GHR: variants seen among roughly 807,000 people sequenced by gnomAD.
GHR encodes the protein growth hormone receptor.
Under a neutral mutation model 67.1 loss-of-function variants are expected in GHR, and 35 were observed. The ratio of observed to expected loss-of-function variants is 0.52; its 90% CI spans 0.40 to 0.69. The LOEUF (loss-of-function observed/expected upper bound fraction) is 0.69, where lower values mean the gene tolerates loss of function less well. GHR is among the 30% of genes least tolerant of loss of function. The probability of loss-of-function intolerance (pLI) is 0.00; values close to 1 mark genes in which losing one functional copy is unlikely to be tolerated. For synonymous variants in GHR, 272 were observed against 269.1 expected, an observed-to-expected ratio of 1.01 and a Z score of -0.10; for missense variants, 792 against 764.6, an observed-to-expected ratio of 1.04 and a Z score of -0.42.
intron 1 of GHR, among the ~76,000 whole-genome samples, chr5:42,497,195 T>C (rs1746357418): frequency 6.6e-6 from 1 of 152,204 alleles, no homozygotes; most frequent in Non-Finnish European, 1.5e-5. Flanking sequence ...GCCCACAGAG[T>C]GTGCTATTCA....
At chr5:42,485,451 C>T (rs1017246415) in intron 1 of GHR, among the ~76,000 whole-genome samples, 2 of 152,062 alleles carry the variant, frequency 1.3e-5, no homozygotes, top group Non-Finnish European at 2.9e-5. Context: ...TGTTTTTCCC[C>T]CTTCTTTGCT....
intron 3 of GHR, among the ~76,000 whole-genome samples, chr5:42,657,296 T>C (rs1029908288): frequency 6.6e-6 from 1 of 152,150 alleles, no homozygotes; most frequent in African/African-American, 2.4e-5. Context: ...AAATGGTAGG[T>C]CCAGGTGACT....
intron 1 of GHR, among the ~76,000 whole-genome samples, chr5:42,442,140 A>T (rs748371728): frequency 1.1e-4 from 16 of 152,198 alleles, no homozygotes; most frequent in Admixed American, 5.9e-4. Flanking sequence ...TGAGTCACCA[A>T]CTGAGACAGG....
chr5:42,478,694 T>C (rs1173510388), intron 1 of GHR, among the ~76,000 whole-genome samples: 4 of 152,214 alleles, frequency 2.6e-5, no homozygotes, highest in Non-Finnish European at 5.9e-5. Flanking sequence ...TTGTCTGTTG[T>C]TGGTGTATAA....
chr5:42,509,887 TG>T (rs1746937372), intron 1 of GHR, among the ~76,000 whole-genome samples: 2 of 152,256 alleles, frequency 1.3e-5, no homozygotes, highest in Non-Finnish European at 2.9e-5. Context: ...CAGTATCTGA[TG>T]GGCATTTGAA....
chr5:42,446,895 C>T (rs1257684161), intron 1 of GHR, among the ~76,000 whole-genome samples: 1 of 152,124 alleles, frequency 6.6e-6, no homozygotes, highest in Non-Finnish European at 1.5e-5. Context: ...GTCAAGAAAC[C>T]AGACAAGATA....
At chr5:42,671,219 G>T (rs1447971709) in intron 3 of GHR, among the ~76,000 whole-genome samples, 6 of 152,050 alleles carry the variant, frequency 3.9e-5, no homozygotes, top group Non-Finnish European at 8.8e-5. Flanking sequence ...CCAGCTTCTG[G>T]GGAAGCCTCA....
At chr5:42,549,755 G>A in intron 1 of GHR, 6 of 689,784 alleles carry the variant, frequency 8.7e-6, no homozygotes, top group Non-Finnish European at 1.1e-5. Context: ...AAAAGTACTG[G>A]GGGGTTTGAA....
intron 6 of GHR, among the ~76,000 whole-genome samples, chr5:42,703,387 C>T (rs536150711): frequency 6.6e-6 from 1 of 151,954 alleles, no homozygotes; most frequent in Admixed American, 6.6e-5. Context: ...TATTTCCGAA[C>T]ACTTTATTCT....
rs1283417525 is a variant in GHR at position 42,718,923 on chromosome 5, T to C, written c.1416T>C (p.His472=). ...CTGAGTCAACTCACCAAGCTGCCCA[T>C]ATTCAGCTAAGCAATCCAAGTTCAC... ...EGAESTHQAA[H]IQLSNPSSLS... Residue 472 remains histidine (H), a synonymous_variant, in exon 10 of 10, where the codon CAT becomes CAC. Transcript: ENST00000230882. 1.5e-5 allele frequency: 25 copies of C among 1,614,022 alleles called. No individual in the cohort carries two copies. Among genetic ancestry groups the C allele is most frequent in the Admixed American group, 3.3e-5 (2 of 59,992 alleles).
At chr5:42,704,073 C>T (rs917868091) in intron 6 of GHR, among the ~76,000 whole-genome samples, 3 of 151,616 alleles carry the variant, frequency 2.0e-5, no homozygotes, top group Non-Finnish European at 4.4e-5. Flanking sequence ...GATTTTGAAT[C>T]GAGTAGAATA....
intron 3 of GHR, among the ~76,000 whole-genome samples, chr5:42,679,351 G>C (rs1756739916): frequency 6.6e-6 from 1 of 151,592 alleles, no homozygotes; most frequent in Non-Finnish European, 1.5e-5. Flanking sequence ...TTTGGGCTGG[G>C]CATGGTGGCT....
chr5:42,483,145 T>G (rs1024422608), intron 1 of GHR, among the ~76,000 whole-genome samples: 3 of 152,192 alleles, frequency 2.0e-5, no homozygotes, highest in Non-Finnish European at 4.4e-5. Context: ...CTCAGCTCAC[T>G]GCAGCCTCCA....
intron 1 of GHR, among the ~76,000 whole-genome samples, chr5:42,527,714 A>G (rs1747771131): frequency 6.6e-6 from 1 of 152,164 alleles, no homozygotes; most frequent in South Asian, 2.1e-4. Context: ...GATCTGATAG[A>G]CCTTTACAGA....
At chr5:42,514,473 T>A (rs1013104378) in intron 1 of GHR, 42 of 192,728 alleles carry the variant, frequency 2.2e-4, no homozygotes, top group Non-Finnish European at 3.4e-4. Context: ...GTTCTAGATT[T>A]AAAAAAAAAA....
At chr5:42,715,974 T>C (rs1349544699) in intron 8 of GHR, among the ~76,000 whole-genome samples, 1 of 152,204 alleles carries the variant, frequency 6.6e-6, no homozygotes, top group East Asian at 1.9e-4. Context: ...GCTCTGCCAC[T>C]GTGGCATAAG....
chr5:42,677,593 A>G (rs930680487), intron 3 of GHR, among the ~76,000 whole-genome samples: 1 of 152,224 alleles, frequency 6.6e-6, no homozygotes, highest in African/African-American at 2.4e-5. Flanking sequence ...TAGCTGCCAC[A>G]GTATCACCAC....
intron 1 of GHR, chr5:42,466,976 C>T: frequency 6.4e-7 from 1 of 1,573,294 alleles, no homozygotes; most frequent in Non-Finnish European, 8.7e-7. Context: ...TAGGGCTTCT[C>T]CCCAGTGTGG....
chr5:42,524,416 G>T (rs1225573262), intron 1 of GHR, among the ~76,000 whole-genome samples: 1 of 152,200 alleles, frequency 6.6e-6, no homozygotes, highest in Non-Finnish European at 1.5e-5. Context: ...ATGATTTAGG[G>T]TAACTGGCAG....
Sources: gnomAD v4.1 joint callset for allele counts (sites outside exome capture counted in the v4.1 genomes callset) on GRCh38, gnomAD v4.1.1 for gene constraint, MANE v1.5 for transcripts, NCBI Gene and HGNC (gene_info 2026-07-23, HGNC 2026-07-21) for gene names.